SUSD5: variants seen among roughly 807,000 people sequenced by gnomAD.
The protein encoded by SUSD5 is sushi domain containing 5.
In SUSD5, 33 loss-of-function variants were observed where a neutral mutation model predicts 29.5. The ratio of observed to expected loss-of-function variants is 1.12; its 90% CI spans 0.85 to 1.49. The LOEUF is 1.49. Among genes scored for constraint, SUSD5 ranks in the 40% most tolerant of loss-of-function variants. The pLI, the probability that SUSD5 is intolerant of heterozygous loss-of-function variation, is 0.00. For synonymous variants in SUSD5, 308 were observed against 325.3 expected (o/e 0.95, Z 0.57); for missense variants, 776 against 800.6 (o/e 0.97, Z 0.37).
At chr3:33,198,620 A>G (rs1470844067) in intron 3 of SUSD5, among the ~76,000 whole-genome samples, 2 of 152,050 alleles carry the variant, frequency 1.3e-5, no homozygotes, top group African/African-American at 4.8e-5. Flanking sequence ...CAATATTCTC[A>G]CCCCTGTATA....
intron 3 of SUSD5, among the ~76,000 whole-genome samples, chr3:33,207,492 C>A (rs2032243329): frequency 6.6e-6 from 1 of 152,168 alleles, no homozygotes; most frequent in South Asian, 2.1e-4. Flanking sequence ...TATAACTACT[C>A]CAGCTCCCTC....
rs1203893453 is a variant in SUSD5, at chr3:33,153,441, C to CCCAT, written c.1187_1190dup (p.Ser398TrpfsTer7). ...GGACGTTTTCATCCAGCCCTACTGA[C>CCCAT]CCATCCCCTCTGTCCCCATCTTCTT... On this transcript the variant is annotated frameshift_variant, in exon 5 of 5. Transcript: ENST00000309558. LOFTEE classifies it low-confidence loss of function (END_TRUNC). The CCCAT allele has an allele frequency of 6.2e-7, 1 of 1,613,932 alleles. No individual in the cohort carries two copies. The highest frequency in any genetic ancestry group is 1.7e-5 in the Admixed American group (1 of 59,980).
chr3:33,199,306 C>T (rs1478037639), intron 3 of SUSD5, among the ~76,000 whole-genome samples: 1 of 152,164 alleles, frequency 6.6e-6, no homozygotes, highest in Non-Finnish European at 1.5e-5. Flanking sequence ...CGGAGTCTCG[C>T]TCTGTTGCCC....
rs35522769 is a variant in SUSD5 at position 33,199,214 on chromosome 3, TCACACACA to T, written c.409+8586_409+8593del. Among the ~76,000 whole-genome samples, 134 of 147,992 alleles carry T rather than the reference TCACACACA, an allele frequency of 9.1e-4. No individual in the cohort carries two copies. The East Asian group carries it at 0.016, about 17-fold the overall frequency. On this transcript the variant is annotated intron_variant, in intron 3 of 4. Transcript: ENST00000309558. ...ATGTCTTTTTTTCTAGGGGAGAATT[TCACACACA>T]CACACACACACACACACACACACAC...
chr3:33,212,475 G>A (rs2032339890), intron 2 of SUSD5, among the ~76,000 whole-genome samples: 3 of 152,160 alleles, frequency 2.0e-5, no homozygotes, highest in South Asian at 2.1e-4. Context: ...AGGATTCCAC[G>A]GGTCAGGCAC....
intron 4 of SUSD5, among the ~76,000 whole-genome samples, chr3:33,156,144 G>A (rs1440617649): frequency 1.3e-5 from 2 of 151,728 alleles, no homozygotes; most frequent in African/African-American, 2.4e-5. Flanking sequence ...GGGTTCAAGC[G>A]ATTCTCCTGC....
At chr3:33,157,665 C>T (rs571403899) in intron 4 of SUSD5, among the ~76,000 whole-genome samples, 1 of 152,174 alleles carries the variant, frequency 6.6e-6, no homozygotes, top group Non-Finnish European at 1.5e-5. Flanking sequence ...TCTGGGCTGA[C>T]CTTGTCCCTT....
intron 3 of SUSD5, among the ~76,000 whole-genome samples, chr3:33,202,034 ATCTATCTATCTATCTATCTATCTATCTG>A (rs1022139350): frequency 2.2e-5 from 3 of 138,404 alleles, no homozygotes; most frequent in African/African-American, 9.0e-5. Context: ...TTATCTATCT[ATCTATCTATCTATCTATCTATCTATCTG>A]TCTATCTATC....
rs1361286303 is a variant in SUSD5, at chr3:33,187,097, A to G, written c.410-12023T>C. On this transcript the variant is annotated intron_variant, in intron 3 of 4. Coordinates refer to ENST00000309558, the MANE Select transcript of SUSD5 (RefSeq NM_015551.2). ...GACTTTCCACCTTTCTCAGCTGCCC[A>G]TGACTCATGCTGGATGCCCCACTGT... Among the ~76,000 whole-genome samples the G allele has an allele frequency of 4.6e-5, 7 of 152,302 alleles. No individual in the cohort carries two copies. The East Asian group carries it at 1.4e-3, about 29-fold the overall frequency.
At chr3:33,217,686 C>G (rs1268348269) in intron 1 of SUSD5, among the ~76,000 whole-genome samples, 7 of 151,556 alleles carry the variant, frequency 4.6e-5, no homozygotes, top group Non-Finnish European at 8.8e-5. Flanking sequence ...TCCTGACAAC[C>G]ATGCTTTTTT....
chr3:33,191,978 T>C (rs952865349), intron 3 of SUSD5, among the ~76,000 whole-genome samples: 5 of 152,202 alleles, frequency 3.3e-5, no homozygotes, highest in African/African-American at 2.4e-5. Context: ...AAGTGGCATA[T>C]AAATTTGCTT....
intron 3 of SUSD5, among the ~76,000 whole-genome samples, chr3:33,177,961 T>G (rs1559449380): frequency 6.6e-6 from 1 of 150,418 alleles, no homozygotes; most frequent in Non-Finnish European, 1.5e-5. Context: ...AATCTATATT[T>G]TCTTTTCTTA....
chr3:33,151,351 A>G lies in SUSD5; in HGVS notation c.*1391T>C, dbSNP rs886817189. The stretch of plus-strand genomic sequence containing the variant: ...TGCCATAAACCATCCTCGCTGAGCC[A>G]CCCTAAGATGATTTAGATGCTACGA... On this transcript the variant is annotated 3_prime_UTR_variant, in exon 5 of 5. Transcript: ENST00000309558. 3 of 152,152 alleles carry G rather than the reference A, an allele frequency of 2.0e-5. No individual in the cohort carries two copies. Among genetic ancestry groups the G allele is most frequent in the Admixed American group, 6.5e-5 (1 of 15,278 alleles). 9.4% of individuals were successfully genotyped at this position (152,152 alleles called of 1,614,324 possible).
In SUSD5 at chr3:33,204,280, G is replaced by A. The variant is rs919321745; in HGVS notation, c.409+3528C>T. On this transcript the variant is annotated intron_variant, in intron 3 of 4. Coordinates refer to ENST00000309558, the MANE Select transcript of SUSD5 (RefSeq NM_015551.2). This position sits in a 1 kb window ranked among gnomAD's most constrained non-coding sequence, Gnocchi z 4.5. The stretch of plus-strand genomic sequence containing the variant: ...TATCCTCCAAAGTGTTGGGACTACA[G>A]GCATAAGCCACCATGCCCAGCCTGA... Among the ~76,000 whole-genome samples, 5 of 152,002 alleles carry A rather than the reference G, an allele frequency of 3.3e-5. No individual in the cohort carries two copies. The highest frequency in any genetic ancestry group is 2.9e-5 in the Non-Finnish European group (2 of 68,010).
intron 3 of SUSD5, among the ~76,000 whole-genome samples, chr3:33,207,135 T>C (rs2032237432): frequency 1.3e-5 from 2 of 152,356 alleles, no homozygotes; most frequent in Admixed American, 1.3e-4. Flanking sequence ...GATTTCCCAA[T>C]AGGAATTTGG....
At chr3:33,188,921 A>G (rs1374258786) in intron 3 of SUSD5, among the ~76,000 whole-genome samples, 1 of 152,222 alleles carries the variant, frequency 6.6e-6, no homozygotes, top group Non-Finnish European at 1.5e-5. Flanking sequence ...CCCCTTAGAA[A>G]AATCTGTAAT....
In SUSD5 at chr3:33,175,024, G is replaced by C; in HGVS notation, c.460C>G (p.Arg154Gly). 1.2e-6 allele frequency: 2 copies of C among 1,614,062 alleles called. No homozygotes were observed. The highest frequency in any genetic ancestry group is 1.7e-6 in the Non-Finnish European group (2 of 1,179,912). Residue 154 changes from arginine (R) to glycine (G), a missense_variant, in exon 4 of 5, where the codon CGC becomes GGC. Arg to Gly is a moderately radical substitution (Grantham distance 125). Coordinates refer to ENST00000309558, the MANE Select transcript of SUSD5 (RefSeq NM_015551.2). ...PSFPHTILQGRTGLEMGDELL... is the reference protein window; with the variant it reads ...PSFPHTILQGGTGLEMGDELL... ...TCATCCCCCATTTCCAAGCCGGTGC[G>C]GCCCTGCAGGATGGTGTGTGGGAAC... is the stretch of plus-strand genomic sequence containing the variant.
At chr3:33,177,007 C>T (rs2031567036) in intron 3 of SUSD5, among the ~76,000 whole-genome samples, 1 of 152,172 alleles carries the variant, frequency 6.6e-6, no homozygotes, top group African/African-American at 2.4e-5. Context: ...TTATAGATGT[C>T]TTCAGGTCCA....
Position 33,214,004 on chromosome 3 carries a change from C to T in SUSD5, c.214G>A (p.Asp72Asn). The change falls in exon 2 of 5, where the codon GAC becomes AAC. Residue 72 changes from aspartate to asparagine, a missense_variant. Transcript: ENST00000309558. The stretch of plus-strand genomic sequence containing the variant: ...TCCTGTACCACTCTCCGCAGCTCGT[C>T]TGCAGATGCCAGGTGAGCGCCCCTG... ...KSRGAHLASA[D>N]ELRRVVQDCS... The T allele has an allele frequency of 6.2e-7, 1 of 1,613,880 alleles. No homozygotes were observed. Among genetic ancestry groups the T allele is most frequent in the Non-Finnish European group, 8.5e-7 (1 of 1,179,834 alleles).
Sources: allele counts gnomAD v4.1 joint callset (sites outside exome capture counted in the v4.1 genomes callset), GRCh38; gene constraint gnomAD v4.1.1; non-coding constraint Gnocchi (gnomAD v3.1); transcripts MANE v1.5; gene names NCBI Gene and HGNC (gene_info 2026-07-23, HGNC 2026-07-21).